The following MBD5 variants were observed in gnomAD, a reference collection of about 807,000 sequenced individuals.
MBD5 encodes methyl-CpG binding domain protein 5, also known as methyl-CpG-binding domain protein 5.
Under a neutral mutation model 117.3 loss-of-function variants are expected in MBD5, and 13 were observed. The ratio of observed to expected loss-of-function variants is 0.11; its 90% CI spans 0.07 to 0.18. The LOEUF (loss-of-function observed/expected upper bound fraction) is 0.18, where lower values mean the gene tolerates loss of function less well. Ranked by LOEUF, MBD5 falls within the 10% of genes least tolerant of loss-of-function variation. The pLI, the probability that MBD5 is intolerant of heterozygous loss-of-function variation, is 1.00. For missense variants in MBD5, 1,879 were observed against 2,093.8 expected, an observed-to-expected ratio of 0.90 and a Z score of 2.00; for synonymous variants, 727 against 766.4, an observed-to-expected ratio of 0.95 and a Z score of 0.85.
intron 1 of MBD5, among the ~76,000 whole-genome samples, chr2:148,059,641 A>T (rs1694972433): frequency 6.6e-6 from 1 of 150,912 alleles, no homozygotes; most frequent in African/African-American, 2.4e-5. Flanking sequence ...AGGTCAGGAG[A>T]TCGAGACCAT....
At chr2:148,426,676 T>C (rs933915178) in intron 4 of MBD5, among the ~76,000 whole-genome samples, 2 of 152,182 alleles carry the variant, frequency 1.3e-5, no homozygotes, top group African/African-American at 4.8e-5. Context: ...GACTTACATG[T>C]TAGACCTAAA....
chr2:148,356,017 A>G (rs541370719), intron 4 of MBD5, among the ~76,000 whole-genome samples: 1 of 152,132 alleles, frequency 6.6e-6, no homozygotes, highest in South Asian at 2.1e-4. Flanking sequence ...TTGTAGTTCT[A>G]CTTGAAGAGG....
intron 3 of MBD5, among the ~76,000 whole-genome samples, chr2:148,292,599 AC>A (rs1701524199): frequency 6.6e-6 from 1 of 152,152 alleles, no homozygotes; most frequent in South Asian, 2.1e-4. Flanking sequence ...AAAAAAGGGA[AC>A]CCTCCTACAA....
At chr2:148,218,531 G>C (rs971375434) in intron 2 of MBD5, among the ~76,000 whole-genome samples, 2 of 152,188 alleles carry the variant, frequency 1.3e-5, no homozygotes, top group Admixed American at 1.3e-4. Context: ...GGATGATACA[G>C]TCATGCATCG....
chr2:148,490,876 T>G, intron 11 of MBD5: 1 of 445,066 alleles, frequency 2.2e-6, no homozygotes, highest in Non-Finnish European at 4.1e-6. Context: ...CAACTCTGCC[T>G]TCCCTCTCTA....
At chr2:148,275,927 A>G (rs892298382) in intron 3 of MBD5, among the ~76,000 whole-genome samples, 2 of 152,090 alleles carry the variant, frequency 1.3e-5, no homozygotes, top group South Asian at 4.1e-4. Flanking sequence ...CTGATTTTAT[A>G]TTTTTCATAG....
At chr2:148,024,507 A>T (rs1032545917) in intron 1 of MBD5, among the ~76,000 whole-genome samples, 7 of 152,192 alleles carry the variant, frequency 4.6e-5, no homozygotes, top group South Asian at 2.1e-4. Flanking sequence ...AGTAGTTCCT[A>T]CTGGTAGCTT....
chr2:148,148,673 T>C (rs539387323), intron 1 of MBD5, among the ~76,000 whole-genome samples: 24 of 152,108 alleles, frequency 1.6e-4, no homozygotes, highest in Admixed American at 2.6e-4. Context: ...CTTAAATATA[T>C]GGTATTTCCC....
intron 2 of MBD5, among the ~76,000 whole-genome samples, chr2:148,208,112 G>A (rs1183680900): frequency 6.6e-6 from 1 of 152,094 alleles, no homozygotes; most frequent in Non-Finnish European, 1.5e-5. Flanking sequence ...GCTGGATGCT[G>A]CTGGGGAATT....
intron 3 of MBD5, among the ~76,000 whole-genome samples, chr2:148,341,611 G>T (rs1367141792): frequency 1.3e-5 from 2 of 151,880 alleles, no homozygotes; most frequent in African/African-American, 4.8e-5. Context: ...AAAAGGTTTG[G>T]AGTTTATTTT....
At chr2:148,301,644 T>C (rs897675820) in intron 3 of MBD5, among the ~76,000 whole-genome samples, 1 of 152,168 alleles carries the variant, frequency 6.6e-6, no homozygotes, top group Admixed American at 6.5e-5. Flanking sequence ...TTACGTCCCT[T>C]TTCCCCTGAT....
At chr2:148,344,343 T>A (rs1001969736) in intron 4 of MBD5, among the ~76,000 whole-genome samples, 1 of 152,076 alleles carries the variant, frequency 6.6e-6, no homozygotes, top group Non-Finnish European at 1.5e-5. Flanking sequence ...TTTTTTCCAA[T>A]TCTGTGAAAA....
At chr2:148,203,101 T>C (rs904094129) in intron 2 of MBD5, among the ~76,000 whole-genome samples, 1 of 130,326 alleles carries the variant, frequency 7.7e-6, no homozygotes, top group African/African-American at 3.0e-5. Context: ...CGAGACTCCA[T>C]CTCAAAAAAA....
chr2:148,509,915 ATG>A, intron 12 of MBD5, 143 bp from the exon 13 acceptor site: 1 of 684,390 alleles, frequency 1.5e-6, no homozygotes, highest in Non-Finnish European at 2.7e-6. Context: ...TCCCAGAGTG[ATG>A]TTTTGTCATC....
intron 4 of MBD5, among the ~76,000 whole-genome samples, chr2:148,364,247 C>T (rs983024581): frequency 6.6e-6 from 1 of 152,144 alleles, no homozygotes. Flanking sequence ...CCAAACAAAG[C>T]TTCATAAGCG....
At chr2:148,156,510 T>C (rs1278061676) in intron 1 of MBD5, among the ~76,000 whole-genome samples, 1 of 152,256 alleles carries the variant, frequency 6.6e-6, no homozygotes, top group Non-Finnish European at 1.5e-5. Context: ...AAAATTCAAA[T>C]AGAGTTAATC....
intron 2 of MBD5, among the ~76,000 whole-genome samples, chr2:148,227,925 G>A (rs184637395): frequency 1.7e-4 from 26 of 152,286 alleles, no homozygotes; most frequent in African/African-American, 6.3e-4. Flanking sequence ...TGTTATTGGT[G>A]TATAAGAATG....
intron 4 of MBD5, among the ~76,000 whole-genome samples, chr2:148,431,638 AT>A (rs1354667726): frequency 6.6e-6 from 1 of 151,966 alleles, no homozygotes; most frequent in Admixed American, 6.6e-5. Context: ...AACATGTAGC[AT>A]TTGGTTTACT....
At chr2:148,342,610 T>A (rs1702975833) in intron 4 of MBD5, among the ~76,000 whole-genome samples, 1 of 152,006 alleles carries the variant, frequency 6.6e-6, no homozygotes, top group African/African-American at 2.4e-5. Flanking sequence ...TTGTTATATC[T>A]TCCTGAATTT....
Sources: allele counts gnomAD v4.1 joint callset (sites outside exome capture counted in the v4.1 genomes callset), GRCh38; gene constraint gnomAD v4.1.1; transcripts MANE v1.5; gene names NCBI Gene and HGNC (gene_info 2026-07-23, HGNC 2026-07-21).